SIM1: variants seen among roughly 807,000 people sequenced by gnomAD.
SIM1 encodes SIM bHLH transcription factor 1.
A neutral mutation model predicts 78.2 loss-of-function variants in SIM1; 18 were observed. The ratio of observed to expected loss-of-function variants is 0.23; its 90% CI spans 0.16 to 0.34. The LOEUF is 0.34. Ranked by LOEUF, SIM1 falls within the 10% of genes least tolerant of loss-of-function variation. SIM1 has a pLI of 1.00. For synonymous variants in SIM1, 417 were observed against 385.2 expected, an observed-to-expected ratio of 1.08 and a Z score of -0.97; for missense variants, 939 against 975.1, an observed-to-expected ratio of 0.96 and a Z score of 0.49.
At chr6:100,409,192 G>A (rs552971773) in intron 10 of SIM1, among the ~76,000 whole-genome samples, 3 of 152,160 alleles carry the variant, frequency 2.0e-5, no homozygotes, top group Non-Finnish European at 4.4e-5. Context: ...CCATGTTGGT[G>A]TGCTGCACCC....
rs752488752 is a variant in SIM1 at position 100,393,707 on chromosome 6, C to A, written c.1350G>T (p.Ala450=). Residue 450 remains alanine (A), a synonymous_variant, in exon 11 of 12, where the codon GCG becomes GCT. Coordinates refer to ENST00000369208, the MANE Select transcript of SIM1 (RefSeq NM_005068.3). ...CTTCCACCAGCCTCGAGTGGTCAAG[C>A]GCAAAGCCATAGCAGAGAGAGCTGC... The part of the protein sequence containing the change: ...SDRSSLCYGF[A]LDHSRLVEER... The A allele has an allele frequency of 6.2e-7, 1 of 1,614,168 alleles. No individual in the cohort carries two copies. Among genetic ancestry groups the A allele is most frequent in the Non-Finnish European group, 8.5e-7 (1 of 1,180,018 alleles).
rs1770580858 is a variant in SIM1 at position 100,389,438 on chromosome 6, G to A, written c.*923C>T. ...TTGCACCTATTGGTCTTTTTTCTGG[G>A]TGAATTGGTTTGAATTTTTTATTTA... is the stretch of plus-strand genomic sequence containing the variant. On this transcript the variant is annotated 3_prime_UTR_variant, in exon 12 of 12. Coordinates refer to ENST00000369208, the MANE Select transcript of SIM1 (RefSeq NM_005068.3). 2.5e-6 allele frequency: 1 copy of A among 394,504 alleles called. No homozygotes were observed. The highest frequency in any genetic ancestry group is 4.5e-6 in the Non-Finnish European group (1 of 223,932). 24.4% of individuals were successfully genotyped at this position (394,504 alleles called of 1,614,324 possible). A position where few individuals can be genotyped will look rare whatever the true frequency, so the allele number is the denominator to read the frequency against.
intron 9 of SIM1, among the ~76,000 whole-genome samples, chr6:100,436,742 ATTT>A (rs58593533): frequency 7.5e-6 from 1 of 134,180 alleles, no homozygotes; most frequent in African/African-American, 2.8e-5. Flanking sequence ...TGTTTTTGGT[ATTT>A]TTTTTTTTTT....
chr6:100,406,746 T>C (rs1506085), intron 10 of SIM1, among the ~76,000 whole-genome samples: 21,597 of 152,182 alleles, frequency 0.14, 1,584 homozygotes, highest in African/African-American at 0.19. Context: ...GCACCATAAA[T>C]TTAATGTACG....
intron 11 of SIM1, among the ~76,000 whole-genome samples, chr6:100,391,422 C>T (rs1770637393): frequency 6.6e-6 from 1 of 152,214 alleles, no homozygotes; most frequent in East Asian, 1.9e-4. Context: ...TGTTATTAGA[C>T]CTGTCTGACT....
intron 2 of SIM1, among the ~76,000 whole-genome samples, chr6:100,458,801 G>T (rs1188130407): frequency 1.3e-5 from 2 of 152,274 alleles, no homozygotes; most frequent in African/African-American, 4.8e-5. Flanking sequence ...ATTCGGTGGG[G>T]CTACCAGCGG....
chr6:100,390,360 A>G lies in SIM1; in HGVS notation c.*1T>C, dbSNP rs1770604711. ...AAAGAACAAAATATTTCAGCAAAAC[A>G]TCAGCTTCCGTTGGTTATTATAACA... On this transcript the variant is annotated 3_prime_UTR_variant, in exon 12 of 12. Transcript: ENST00000369208. The G allele has an allele frequency of 3.1e-6, 5 of 1,609,028 alleles. No homozygotes were observed. In the East Asian group the frequency reaches 8.9e-5, roughly 29 times the overall value.
chr6:100,464,389 CACTT>C (rs767761443), intron 1 of SIM1, among the ~76,000 whole-genome samples: 16 of 152,340 alleles, frequency 1.1e-4, no homozygotes, highest in East Asian at 5.8e-4. Context: ...CAAAAAGTGA[CACTT>C]ACACACCAAG....
Position 100,387,695 on chromosome 6 carries a change from T to G in SIM1, c.*2666A>C, listed in dbSNP as rs908585352. ...TGAATCAATATATAATTTAGTTAATTCTGTATTCTCTTAAAAATATTGGTC... is the reference window on the plus strand; with the variant it reads ...TGAATCAATATATAATTTAGTTAATGCTGTATTCTCTTAAAAATATTGGTC... On this transcript the variant is annotated 3_prime_UTR_variant, in exon 12 of 12. Transcript: ENST00000369208. 6.6e-6 allele frequency: 1 copy of G among 152,222 alleles called. No individual in the cohort carries two copies. The highest frequency in any genetic ancestry group is 6.5e-5 in the Admixed American group (1 of 15,282). The allele number at this position is 152,222 out of a possible 1,614,324, so 9.4% of individuals were successfully genotyped here.
Position 100,388,893 on chromosome 6 carries a change from C to T in SIM1, c.*1468G>A, listed in dbSNP as rs954066610. On this transcript the variant is annotated 3_prime_UTR_variant, in exon 12 of 12. Coordinates refer to ENST00000369208, the MANE Select transcript of SIM1 (RefSeq NM_005068.3). The stretch of plus-strand genomic sequence containing the variant: ...GCTAAATCTAGAAAGTTAACTGTAA[C>T]CTGCCTAAAGGAGCCCACACACCTG... 9 of 152,148 alleles carry T rather than the reference C, an allele frequency of 5.9e-5. No individual in the cohort carries two copies. Among genetic ancestry groups the T allele is most frequent in the African/African-American group, 1.7e-4 (7 of 41,422 alleles). 9.4% of individuals were successfully genotyped at this position (152,148 alleles called of 1,614,324 possible).
chr6:100,461,329 A>G (rs577273002), intron 2 of SIM1, among the ~76,000 whole-genome samples: 1 of 152,298 alleles, frequency 6.6e-6, no homozygotes, highest in South Asian at 2.1e-4. Flanking sequence ...ACAGCAGAAA[A>G]CAGCCCGATT....
At chr6:100,413,893 C>T (rs963118878) in intron 10 of SIM1, among the ~76,000 whole-genome samples, 1 of 152,168 alleles carries the variant, frequency 6.6e-6, no homozygotes, top group African/African-American at 2.4e-5. Context: ...ACCTCTTTAC[C>T]CTTCTGCACA....
At position 100,448,547 on chromosome 6, in the gene SIM1, G is replaced by T. The variant is rs748562788; in HGVS notation, c.675C>A (p.Ile225=). Residue 225 remains isoleucine, a synonymous_variant, in exon 7 of 12, where the codon ATC becomes ATA. Coordinates refer to ENST00000369208, the MANE Select transcript of SIM1 (RefSeq NM_005068.3). ...HSLPPSAVTE[I]KLHSNMFMFR... is the part of the protein sequence containing the mutation. The stretch of plus-strand genomic sequence containing the variant: ...ACATAAACATATTGCTGTGTAGCTT[G>T]ATCTCCGTGACGGCGCTGGGAGGCA... The T allele has an allele frequency of 7.4e-6, 12 of 1,614,072 alleles. No homozygotes were observed. The highest frequency in any genetic ancestry group is 1.7e-6 in the Non-Finnish European group (2 of 1,180,060).
At chr6:100,391,527 T>G (rs965411892) in intron 11 of SIM1, among the ~76,000 whole-genome samples, 5 of 152,182 alleles carry the variant, frequency 3.3e-5, no homozygotes, top group Non-Finnish European at 7.3e-5. Context: ...TTGATTGGAT[T>G]TGAGGGAAAT....
chr6:100,434,422 T>C (rs1017548233), intron 9 of SIM1, among the ~76,000 whole-genome samples: 3 of 152,274 alleles, frequency 2.0e-5, no homozygotes, highest in Non-Finnish European at 4.4e-5. Context: ...TGCATTTGGC[T>C]TGATCTGATA....
chr6:100,461,568 G>A (rs999376394), intron 2 of SIM1, among the ~76,000 whole-genome samples: 1 of 152,224 alleles, frequency 6.6e-6, no homozygotes, highest in Non-Finnish European at 1.5e-5. Flanking sequence ...TGGAAATCAC[G>A]CAGAAAGGGA....
intron 2 of SIM1, among the ~76,000 whole-genome samples, chr6:100,459,579 A>C (rs1334192842): frequency 6.6e-6 from 1 of 152,210 alleles, no homozygotes; most frequent in Admixed American, 6.5e-5. Flanking sequence ...AAAAAAATAT[A>C]ACACCATTAA....
chr6:100,439,519 C>A (rs1250864372), intron 9 of SIM1, among the ~76,000 whole-genome samples: 3 of 152,212 alleles, frequency 2.0e-5, no homozygotes, highest in Admixed American at 2.0e-4. Context: ...TTGATAAATG[C>A]TAAGATTCCT....
intron 10 of SIM1, among the ~76,000 whole-genome samples, chr6:100,417,623 C>T (rs1369216460): frequency 6.6e-6 from 1 of 152,204 alleles, no homozygotes; most frequent in African/African-American, 2.4e-5. Flanking sequence ...TGGAGGACTT[C>T]TAAGTTGCTT....
Sources: gnomAD v4.1 joint callset for allele counts (sites outside exome capture counted in the v4.1 genomes callset) on GRCh38, gnomAD v4.1.1 for gene constraint, MANE v1.5 for transcripts, NCBI Gene and HGNC (gene_info 2026-07-23, HGNC 2026-07-21) for gene names.